The following OPRM1 variants were observed in gnomAD, a reference collection of about 807,000 sequenced individuals.
OPRM1 encodes opioid receptor mu 1.
OPRM1 carries 27 observed loss-of-function variants against 31.8 expected under a neutral mutation model. The ratio of observed to expected loss-of-function variants is 0.85; its 90% CI spans 0.63 to 1.17. The LOEUF (loss-of-function observed/expected upper bound fraction) is 1.17. Ranked by LOEUF, OPRM1 falls within the 50% of genes most tolerant of loss-of-function variation. The pLI is 0.00. For missense variants in OPRM1, 536 were observed against 511.1 expected, an observed-to-expected ratio of 1.05 and a Z score of -0.47; for synonymous variants, 196 against 189.9, an observed-to-expected ratio of 1.03 and a Z score of -0.26.
chr6:154,045,268 A>G (rs1780902803), intron 1 of OPRM1, among the ~76,000 whole-genome samples: 3 of 152,130 alleles, frequency 2.0e-5, no homozygotes, highest in Admixed American at 2.0e-4. Flanking sequence ...AGGGGTAAAT[A>G]CCAAGACTAA....
intron 3 of OPRM1, among the ~76,000 whole-genome samples, chr6:154,178,666 T>A (rs1052181351): frequency 7.9e-5 from 12 of 152,136 alleles, no homozygotes; most frequent in African/African-American, 2.9e-4. Context: ...CACCTAAAAT[T>A]TCATATATTA....
Position 154,172,487 on chromosome 6 carries a change from C to T in OPRM1, c.1165-74206C>T, listed in dbSNP as rs567914114. On this transcript the variant is annotated intron_variant, in intron 3 of 3. Coordinates refer to the OPRM1 transcript ENST00000337049. ...CGCAACCAGCAGACCAGGAGATTCC[C>T]TCCCATGCCTGGCTCGGTGGGTCCC... Among the ~76,000 whole-genome samples, 3 of 152,344 alleles carry T rather than the reference C, an allele frequency of 2.0e-5. No homozygotes were observed. The South Asian group carries it at 6.2e-4, about 32-fold the overall frequency.
chr6:154,028,300 G>A (rs1416713164), intron 1 of OPRM1, among the ~76,000 whole-genome samples: 9 of 152,114 alleles, frequency 5.9e-5, no homozygotes, highest in Admixed American at 5.9e-4. Context: ...TGAAAAGAGA[G>A]CCTCATAAGT....
In OPRM1 at chr6:154,168,183, C is replaced by T. The variant is rs1799584543; in HGVS notation, c.1164+76711C>T. 4 of 1,212,004 alleles carry T rather than the reference C, an allele frequency of 3.3e-6. No individual in the cohort carries two copies. The highest frequency in any genetic ancestry group is 2.3e-5 in the Admixed American group (1 of 44,218). The allele number at this position is 1,212,004 out of a possible 1,614,324, so 75.1% of individuals were successfully genotyped here. On this transcript the variant is annotated intron_variant, in intron 3 of 3. Coordinates refer to the OPRM1 transcript ENST00000337049. This position sits in a 1 kb window ranked among gnomAD's most constrained non-coding sequence, Gnocchi z 4.1. ...AAAATCAAGGAGAGAACATTCAATACTGTGGTCCCAAGGCACGGCCCCACT... is the reference window on the plus strand; with the variant it reads ...AAAATCAAGGAGAGAACATTCAATATTGTGGTCCCAAGGCACGGCCCCACT...
At chr6:154,136,090 G>A (rs1267995001), downstream of OPRM1, among the ~76,000 whole-genome samples, 1 of 152,178 alleles carries the variant, frequency 6.6e-6, no homozygotes, top group African/African-American at 2.4e-5. Flanking sequence ...GGAAGGCTGA[G>A]ACATCATATC....
Position 154,039,533 on chromosome 6 carries a change from G to C in OPRM1, c.-12G>C. On this transcript the variant is annotated 5_prime_UTR_variant, in exon 1 of 4. Transcript: ENST00000330432. ...TACCTCGCACAGCGGTGCCCGCCCGGCCGTCAGTACCATGGACAGCAGCGC... is the reference window on the plus strand; with the variant it reads ...TACCTCGCACAGCGGTGCCCGCCCGCCCGTCAGTACCATGGACAGCAGCGC... 1 of 1,604,594 alleles carries C rather than the reference G, an allele frequency of 6.2e-7. No individual in the cohort carries two copies. Among genetic ancestry groups the C allele is most frequent in the Non-Finnish European group, 8.5e-7 (1 of 1,175,744 alleles).
chr6:154,157,912 T>C (rs1213913976), intron 3 of OPRM1: 2 of 143,936 alleles, frequency 1.4e-5, no homozygotes, highest in Non-Finnish European at 2.9e-5. Context: ...ATCTGAATGT[T>C]CTCTCTGTCA....
chr6:154,052,016 C>T (rs143344494), intron 1 of OPRM1, among the ~76,000 whole-genome samples: 5,921 of 152,228 alleles, frequency 0.039, 411 homozygotes, highest in African/African-American at 0.13. Context: ...AATAAGATCA[C>T]GTCTTTTGCA....
intron 3 of OPRM1, chr6:154,214,339 C>T: frequency 1.8e-6 from 2 of 1,092,660 alleles, no homozygotes; most frequent in Non-Finnish European, 2.8e-6. Context: ...ATTCACCTTC[C>T]CCCAGAGTTT....
At chr6:154,071,554 T>A (rs73014284) in intron 1 of OPRM1, among the ~76,000 whole-genome samples, 21,292 of 150,258 alleles carry the variant, frequency 0.14, 1,555 homozygotes, top group Non-Finnish European at 0.17. Flanking sequence ...CCTGTAGTTT[T>A]AAAAAAAAAA....
intron 3 of OPRM1, among the ~76,000 whole-genome samples, chr6:154,098,320 A>G (rs192803853): frequency 8.9e-4 from 135 of 152,318 alleles, no homozygotes; most frequent in Admixed American, 1.5e-3. Context: ...TAACTGAAAA[A>G]CAGCAACATA....
intron 1 of OPRM1, among the ~76,000 whole-genome samples, chr6:154,048,063 C>T (rs1781504437): frequency 6.6e-6 from 1 of 152,190 alleles, no homozygotes; most frequent in African/African-American, 2.4e-5. Flanking sequence ...AAGGCCCCAC[C>T]TCCAAATACC....
chr6:154,117,858 G>GTGTGTGT (rs141088671), intron 3 of OPRM1, among the ~76,000 whole-genome samples: 2 of 145,562 alleles, frequency 1.4e-5, no homozygotes, highest in African/African-American at 2.5e-5. Flanking sequence ...TTAAAAAGAT[G>GTGTGTGT]GTGTGTGTGT....
At chr6:154,087,504 A>G (rs1345133354) in intron 1 of OPRM1, 1 of 985,350 alleles carries the variant, frequency 1.0e-6, no homozygotes, top group Non-Finnish European at 1.2e-6. Flanking sequence ...CACGCTCTCA[A>G]ATCCACATCC....
intron 3 of OPRM1, among the ~76,000 whole-genome samples, chr6:154,164,085 G>A (rs896438382): frequency 2.0e-5 from 3 of 152,122 alleles, no homozygotes; most frequent in Admixed American, 6.5e-5. Context: ...TGCTATTAAT[G>A]TAAAGTTATT....
At chr6:154,142,343 C>T (rs1798238207) in intron 3 of OPRM1, among the ~76,000 whole-genome samples, 1 of 55,412 alleles carries the variant, frequency 1.8e-5, no homozygotes, top group Non-Finnish European at 4.2e-5. Context: ...AATAAGATCT[C>T]AGGAACTGGG....
rs1794513792 is a variant in OPRM1, at chr6:154,100,136, AATATATATTATCATATTATGACG to A, written c.1164+8665_1164+8687del. On this transcript the variant is annotated intron_variant, in intron 3 of 3. Coordinates refer to ENST00000330432, the MANE Select transcript of OPRM1 (RefSeq NM_000914.5). The stretch of plus-strand genomic sequence containing the variant: ...TATATATTATCATATTATGACATAT[AATATATATTATCATATTATGACG>A]TATCATAATATATATTATCATATTA... 2.7e-5 allele frequency among the ~76,000 whole-genome samples: 2 copies of A among 72,802 alleles called. 1 individual carries two copies. The highest frequency in any genetic ancestry group is 1.0e-4 in the African/African-American group (2 of 19,594). 47.8% of individuals were successfully genotyped at this position (72,802 alleles called of 152,430 possible).
In OPRM1 at chr6:154,119,494, A is replaced by T; in HGVS notation, c.*773A>T. ...ATGTGCAATTTTCTTGCTCCTATTT[A>T]AGTGTTCACAAAAGGTAATAGTCAA... is the stretch of plus-strand genomic sequence containing the variant. On this transcript the variant is annotated 3_prime_UTR_variant, in exon 4 of 4. Transcript: ENST00000330432. The T allele has an allele frequency of 1.0e-6, 1 of 959,092 alleles. No homozygotes were observed. Among genetic ancestry groups the T allele is most frequent in the Non-Finnish European group, 1.2e-6 (1 of 805,948 alleles). The allele number at this position is 959,092 out of a possible 1,614,324, so 59.4% of individuals were successfully genotyped here.
rs115466649 is a variant in OPRM1, at chr6:154,110,154, C to T, written c.1165-8529C>T. On this transcript the variant is annotated intron_variant, in intron 3 of 3. Coordinates refer to ENST00000330432, the MANE Select transcript of OPRM1 (RefSeq NM_000914.5). Reference sequence around the variant, plus strand: ...AGTATACAAAAAGACATTAAAATTTCCTATCTCTGAAAATAGAGCAGGGTT... The same window carrying T: ...AGTATACAAAAAGACATTAAAATTTTCTATCTCTGAAAATAGAGCAGGGTT... Among the ~76,000 whole-genome samples the T allele has an allele frequency of 5.8e-3, 880 of 152,214 alleles. 5 individuals carry two copies. The highest frequency in any genetic ancestry group is 0.02 in the African/African-American group (837 of 41,528).
Sources: gnomAD v4.1 joint callset for allele counts (sites outside exome capture counted in the v4.1 genomes callset) on GRCh38, gnomAD v4.1.1 for gene constraint, Gnocchi (gnomAD v3.1) non-coding constraint, MANE v1.5 for transcripts, NCBI Gene and HGNC (gene_info 2026-07-23, HGNC 2026-07-21) for gene names.